GPHN: variants seen among roughly 807,000 people sequenced by gnomAD.
GPHN encodes gephyrin.
In GPHN, 17 loss-of-function variants were observed where a neutral mutation model predicts 95.5. The ratio of observed to expected loss-of-function variants is 0.18; its 90% CI spans 0.12 to 0.27. The LOEUF (loss-of-function observed/expected upper bound fraction) is 0.27. Among genes scored for constraint, GPHN ranks in the 10% least tolerant of loss-of-function variants. The pLI is 1.00. For synonymous variants in GPHN, 320 were observed against 322.5 expected, an observed-to-expected ratio of 0.99 and a Z score of 0.08; for missense variants, 660 against 978.1, an observed-to-expected ratio of 0.67 and a Z score of 4.34.
At chr14:66,945,673 A>T (rs767433475) in intron 8 of GPHN, among the ~76,000 whole-genome samples, 6 of 152,238 alleles carry the variant, frequency 3.9e-5, no homozygotes, top group Non-Finnish European at 5.9e-5. Flanking sequence ...AAAGATTCGA[A>T]TAGACATTTC....
At chr14:67,659,128 TA>T in the GPHN span, among the ~76,000 whole-genome samples, 1 of 152,244 alleles carries the variant, frequency 6.6e-6, no homozygotes, top group Non-Finnish European at 1.5e-5. Flanking sequence ...TCCAATTTTA[TA>T]AATCAGAATC....
At chr14:67,022,470 T>C (rs1448198694) in intron 9 of GPHN, among the ~76,000 whole-genome samples, 2 of 151,604 alleles carry the variant, frequency 1.3e-5, no homozygotes, top group Admixed American at 6.6e-5. Flanking sequence ...AGCTTTTTCC[T>C]TCTAGTATGT....
the GPHN span, among the ~76,000 whole-genome samples, chr14:67,520,389 T>C: frequency 6.6e-4 from 100 of 152,368 alleles, no homozygotes; most frequent in African/African-American, 2.4e-3. Context: ...TCACCTGCTC[T>C]ACAGTTTTGC....
At chr14:66,829,356 G>C (rs1320689768) in intron 4 of GPHN, among the ~76,000 whole-genome samples, 1 of 152,062 alleles carries the variant, frequency 6.6e-6, no homozygotes, top group Non-Finnish European at 1.5e-5. Flanking sequence ...CCAAAGTGCT[G>C]AGATTACAGG....
chr14:67,032,435 G>C (rs1478041715), intron 10 of GPHN, among the ~76,000 whole-genome samples: 1 of 152,168 alleles, frequency 6.6e-6, no homozygotes, highest in Non-Finnish European at 1.5e-5. Flanking sequence ...GGAGAGAGAA[G>C]AGTGGAACAT....
intron 19 of GPHN, among the ~76,000 whole-genome samples, chr14:67,162,093 G>A (rs969137864): frequency 6.6e-6 from 1 of 152,120 alleles, no homozygotes; most frequent in Non-Finnish European, 1.5e-5. Flanking sequence ...AAAATTCACA[G>A]TTTAGCAATA....
At chr14:66,746,590 A>T (rs2058159269) in intron 2 of GPHN, among the ~76,000 whole-genome samples, 1 of 152,144 alleles carries the variant, frequency 6.6e-6, no homozygotes, top group Admixed American at 6.5e-5. Flanking sequence ...CAGGGTGAGT[A>T]AAAGTTCAAA....
At chr14:67,468,095 T>C in the GPHN span, among the ~76,000 whole-genome samples, 2 of 152,086 alleles carry the variant, frequency 1.3e-5, no homozygotes, top group Non-Finnish European at 2.9e-5. Flanking sequence ...TGCCTCAGCC[T>C]CCCGAGTAGC....
At chr14:67,623,565 C>T in the GPHN span, among the ~76,000 whole-genome samples, 7 of 95,544 alleles carry the variant, frequency 7.3e-5, no homozygotes, top group East Asian at 1.0e-3. Context: ...TTTTTTGAGA[C>T]GGAGTCTCGC....
intron 10 of GPHN, among the ~76,000 whole-genome samples, chr14:67,031,128 A>G (rs1221382709): frequency 6.6e-6 from 1 of 151,942 alleles, no homozygotes; most frequent in African/African-American, 2.4e-5. Flanking sequence ...CAGGTTCTCG[A>G]CTTATTACTA....
chr14:67,666,217 G>A, the GPHN span, among the ~76,000 whole-genome samples: 1 of 152,072 alleles, frequency 6.6e-6, no homozygotes, highest in Non-Finnish European at 1.5e-5. Context: ...ACTGTGTTTA[G>A]TCATAAATTC....
intron 18 of GPHN, among the ~76,000 whole-genome samples, chr14:67,144,259 A>ATG (rs2080733993): frequency 1.2e-4 from 11 of 92,998 alleles, no homozygotes; most frequent in African/African-American, 5.3e-4. Flanking sequence ...AAATATATAT[A>ATG]TATATATATA....
At chr14:67,379,370 T>C in the GPHN span, among the ~76,000 whole-genome samples, 8 of 152,254 alleles carry the variant, frequency 5.3e-5, no homozygotes, top group African/African-American at 1.9e-4. Context: ...TTGATTTGCA[T>C]ACTCCTGATT....
chr14:67,177,759 C>G (rs2083080806), intron 21 of GPHN, among the ~76,000 whole-genome samples: 4 of 152,130 alleles, frequency 2.6e-5, no homozygotes, highest in Admixed American at 2.6e-4. Flanking sequence ...AATCTGGGGG[C>G]TCCTGTATTG....
chr14:67,382,391 A>G, the GPHN span: 4 of 1,488,766 alleles, frequency 2.7e-6, no homozygotes, highest in East Asian at 2.3e-5. Flanking sequence ...AAGCATCCTA[A>G]TAGTTGTGGG....
In GPHN at chr14:66,928,826, C is replaced by A. The variant is rs1407194720; in HGVS notation, c.828+4534C>A. ...TAATTTCCGTATGTTTGTATCATTT[C>A]CAAAGTTTTTTTTATTGATTTCTAG... On this transcript the variant is annotated intron_variant, in intron 8 of 22. Coordinates refer to ENST00000478722, the MANE Select transcript of GPHN (RefSeq NM_020806.5). 2.6e-5 allele frequency among the ~76,000 whole-genome samples: 4 copies of A among 152,128 alleles called. No homozygotes were observed. In the East Asian group the frequency reaches 7.7e-4, roughly 29 times the overall value.
At chr14:67,645,702 GGGT>G in the GPHN span, 1 of 1,613,942 alleles carries the variant, frequency 6.2e-7, no homozygotes, top group Non-Finnish European at 8.5e-7. Flanking sequence ...TGTGTTGTCT[GGGT>G]TGATGCCCAT....
chr14:67,146,886 A>G (rs2080929818), intron 18 of GPHN, among the ~76,000 whole-genome samples: 4 of 152,208 alleles, frequency 2.6e-5, no homozygotes, highest in African/African-American at 9.6e-5. Context: ...ATAAAAAATT[A>G]GCTGGGCATA....
chr14:67,642,793 CTTTTT>C, the GPHN span, among the ~76,000 whole-genome samples: 957 of 75,514 alleles, frequency 0.013, 6 homozygotes, highest in African/African-American at 0.039. Flanking sequence ...ACTACATTTT[CTTTTT>C]TTTTTTTTTT....
Sources: allele counts gnomAD v4.1 joint callset (sites outside exome capture counted in the v4.1 genomes callset), GRCh38; gene constraint gnomAD v4.1.1; transcripts MANE v1.5; gene names NCBI Gene and HGNC (gene_info 2026-07-23, HGNC 2026-07-21).